TRAF7: variants seen among roughly 807,000 people sequenced by gnomAD.
TRAF7 encodes TNF receptor associated factor 7, also known as E3 ubiquitin-protein ligase TRAF7.
A neutral mutation model predicts 89.3 loss-of-function variants in TRAF7; 45 were observed. The ratio of observed to expected loss-of-function variants is 0.50; its 90% CI spans 0.40 to 0.65. TRAF7 has a LOEUF of 0.65. TRAF7 is among the 30% of genes least tolerant of loss of function. The probability of loss-of-function intolerance (pLI) is 0.00; values close to 1 mark genes in which losing one functional copy is unlikely to be tolerated. For synonymous variants in TRAF7, 406 were observed against 369.2 expected, an observed-to-expected ratio of 1.10 and a Z score of -1.14; for missense variants, 677 against 918.1, an observed-to-expected ratio of 0.74 and a Z score of 3.39.
Position 2,171,281 on chromosome 16 carries a change from G to A in TRAF7, c.366G>A (p.Ala122=), listed in dbSNP as rs150850739. The A allele has an allele frequency of 2.3e-5, 35 of 1,551,834 alleles. No homozygotes were observed. The highest frequency in any genetic ancestry group is 1.7e-4 in the Middle Eastern group (1 of 6,012). The stretch of plus-strand genomic sequence containing the variant: ...GGTTCCAGGAGCCACTGGTGTTTGC[G>A]GAGCAGCCCTCGGTGAAGCTGTGCT... ...EEEEPEPLVF[A]EQPSVKLCCQ... Residue 122 remains alanine (A), a synonymous_variant, in exon 6 of 21, where the codon GCG becomes GCA. Coordinates refer to ENST00000326181, the MANE Select transcript of TRAF7 (RefSeq NM_032271.3).
At chr16:2,171,491 G>A (rs1322073098) in intron 6 of TRAF7, 81 bp from the exon 7 acceptor site, 6 of 1,599,742 alleles carry the variant, frequency 3.8e-6, no homozygotes, top group South Asian at 1.1e-5. Flanking sequence ...GGGGTACAGC[G>A]AGGCCTGTGG....
At position 2,170,730 on chromosome 16, in the gene TRAF7, G is replaced by A. The variant is rs758588096; in HGVS notation, c.348G>A (p.Pro116=). 11 of 1,595,734 alleles carry A rather than the reference G, an allele frequency of 6.9e-6. No individual in the cohort carries two copies. Among genetic ancestry groups the A allele is most frequent in the East Asian group, 2.3e-5 (1 of 43,798 alleles). ...CACTGCCCGAGGAGGAGGAGGAGCC[G>A]GTAGGTGTGGGGGACTCGGCGCAGA... is the stretch of plus-strand genomic sequence containing the variant. The part of the protein sequence containing the change: ...TFSLPEEEEE[P]EPLVFAEQPS... Residue 116 remains proline (P), a splice_region_variant and synonymous_variant, in exon 5 of 21, where the codon CCG becomes CCA. Transcript: ENST00000326181.
chr16:2,165,494 G>A (rs1210527621), intron 2 of TRAF7, among the ~76,000 whole-genome samples: 3 of 119,076 alleles, frequency 2.5e-5, no homozygotes, highest in African/African-American at 1.1e-4. Context: ...GCTGTGTGGC[G>A]CAGCCTGGTC....
intron 2 of TRAF7, 139 bp from the exon 3 acceptor site, chr16:2,165,740 G>A (rs1009234493): frequency 7.1e-5 from 61 of 859,430 alleles, no homozygotes; most frequent in African/African-American, 3.2e-4. Context: ...GCTGCGTGGC[G>A]TGGCCTGGTC....
chr16:2,165,578 G>T (rs1449972655), intron 2 of TRAF7, among the ~76,000 whole-genome samples: 1 of 131,198 alleles, frequency 7.6e-6, no homozygotes, highest in Non-Finnish European at 1.6e-5. Context: ...TGCGTGGCCT[G>T]GCCTGGTCGC....
intron 1 of TRAF7, among the ~76,000 whole-genome samples, chr16:2,156,771 G>A (rs1243304287): frequency 6.6e-6 from 1 of 152,150 alleles, no homozygotes; most frequent in Non-Finnish European, 1.5e-5. Flanking sequence ...AATGACTTGG[G>A]GTTGAGGAAG....
At chr16:2,172,729 C>T (rs1206068431) in intron 9 of TRAF7, 130 bp downstream of exon 9, 4 of 1,192,524 alleles carry the variant, frequency 3.4e-6, no homozygotes, top group Non-Finnish European at 3.5e-6. Context: ...CTGTAATCCT[C>T]TCTGAGGCCC....
intron 3 of TRAF7, among the ~76,000 whole-genome samples, chr16:2,167,393 G>GTC (rs750266426): frequency 1.3e-5 from 2 of 152,232 alleles, no homozygotes; most frequent in Middle Eastern, 3.2e-3. Flanking sequence ...TCCGGGAGGT[G>GTC]TCTCTCTCTG....
chr16:2,168,307 C>A lies in TRAF7; in HGVS notation c.231+139C>A. 3.0e-6 allele frequency: 2 copies of A among 657,188 alleles called. No homozygotes were observed. Among genetic ancestry groups the A allele is most frequent in the Non-Finnish European group, 5.1e-6 (2 of 395,414 alleles). 40.7% of individuals were successfully genotyped at this position (657,188 alleles called of 1,614,324 possible). A position where few individuals can be genotyped will look rare whatever the true frequency, so the allele number is the denominator to read the frequency against. On this transcript the variant is annotated intron_variant, in intron 4 of 20. Coordinates refer to ENST00000326181, the MANE Select transcript of TRAF7 (RefSeq NM_032271.3). This position sits in a 1 kb window ranked among gnomAD's most constrained non-coding sequence, Gnocchi z 4.1. ...AAGAGCACCTGTGGATACCCTGAGG[C>A]CTCGGCAGACATGGCAAGTCTGTGA...
rs2093066106 is a variant in TRAF7 at position 2,163,617 on chromosome 16, G to A, written c.-38-266G>A. The A allele has an allele frequency of 4.6e-6, 2 of 434,522 alleles. No homozygotes were observed. The highest frequency in any genetic ancestry group is 9.5e-5 in the East Asian group (2 of 21,088). 26.9% of individuals were successfully genotyped at this position (434,522 alleles called of 1,614,324 possible). ...GGTCCCTCCACCTCGGGGAAGAGCT[G>A]GATGGGCTCTTCGGGAGCTCAGAAA... On this transcript the variant is annotated intron_variant, in intron 1 of 20. Transcript: ENST00000326181. The surrounding 1 kb of genome is among the most constrained non-coding windows in gnomAD (Gnocchi z 4.3).
chr16:2,171,101 C>T (rs564195918), intron 5 of TRAF7, among the ~76,000 whole-genome samples, 163 bp from the exon 6 acceptor site: 10 of 152,330 alleles, frequency 6.6e-5, no homozygotes, highest in East Asian at 5.8e-4. Flanking sequence ...GCTCTCCCTC[C>T]TGGGCCCCGA....
intron 4 of TRAF7, 77 bp from the exon 5 acceptor site, chr16:2,170,537 G>C: frequency 2.6e-6 from 3 of 1,145,292 alleles, no homozygotes; most frequent in South Asian, 2.6e-5. Flanking sequence ...TCGCGCTTCC[G>C]CCGGGCTGGG....
At chr16:2,175,733 T>C in intron 17 of TRAF7, 101 bp from the exon 18 acceptor site, 1 of 1,588,692 alleles carries the variant, frequency 6.3e-7, no homozygotes, top group East Asian at 2.2e-5. Flanking sequence ...ATCCCCTGGC[T>C]GGGTGGGTGG....
In TRAF7 at chr16:2,172,389, C is replaced by T. The variant is rs2093115766; in HGVS notation, c.659+15C>T. On this transcript the variant is annotated intron_variant, in intron 8 of 20. Transcript: ENST00000326181. ...AGCGCCCGGAAGTAAGTGCCCCTCC[C>T]TGGGCACCTCTGCCTCCCTGGGGGC... 6.2e-7 allele frequency: 1 copy of T among 1,611,254 alleles called. No individual in the cohort carries two copies. Among genetic ancestry groups the T allele is most frequent in the African/African-American group, 1.3e-5 (1 of 74,910 alleles).
At chr16:2,174,467 G>C (rs991475481) in intron 14 of TRAF7, 134 bp downstream of exon 14, 2 of 766,938 alleles carry the variant, frequency 2.6e-6, no homozygotes, top group Admixed American at 2.5e-5. Flanking sequence ...CCCTCCACCC[G>C]GAGCAGCACT....
chr16:2,168,013 GCCCCACCTC>G lies in TRAF7; in HGVS notation c.140-57_140-49del. 1.3e-6 allele frequency: 2 copies of G among 1,510,314 alleles called. No individual in the cohort carries two copies. The highest frequency in any genetic ancestry group is 1.8e-6 in the Non-Finnish European group (2 of 1,099,916). 93.6% of individuals were successfully genotyped at this position (1,510,314 alleles called of 1,614,324 possible). On this transcript the variant is annotated intron_variant, in intron 3 of 20. Coordinates refer to ENST00000326181, the MANE Select transcript of TRAF7 (RefSeq NM_032271.3). The surrounding 1 kb of genome is among the most constrained non-coding windows in gnomAD (Gnocchi z 4.1). ...CCACAGGGTCGGGTATCCAGCATGGGCCCCACCTCCCCCACATCTGCTGAGGGAGCCCCC... is the reference window on the plus strand; with the variant it reads ...CCACAGGGTCGGGTATCCAGCATGGGCCCCACATCTGCTGAGGGAGCCCCC...
chr16:2,165,004 G>GCA (rs2093077604), intron 2 of TRAF7, among the ~76,000 whole-genome samples: 1 of 107,998 alleles, frequency 9.3e-6, no homozygotes, highest in East Asian at 2.5e-4. Flanking sequence ...TGCGTGGCCT[G>GCA]GCCTGGTCGC....
Position 2,163,470 on chromosome 16 carries a change from C to T in TRAF7, c.-38-413C>T. 5.0e-6 allele frequency: 1 copy of T among 198,554 alleles called. No homozygotes were observed. Among genetic ancestry groups the T allele is most frequent in the Non-Finnish European group, 1.1e-5 (1 of 94,042 alleles). The allele number at this position is 198,554 out of a possible 1,614,324, so 12.3% of individuals were successfully genotyped here. A position where few individuals can be genotyped will look rare whatever the true frequency, so the allele number is the denominator to read the frequency against. ...TTGGCTGGTCCCTGTGTGACTGCGT[C>T]CCGCCACGTGGGCCACACCCTGGGC... On this transcript the variant is annotated intron_variant, in intron 1 of 20. Coordinates refer to ENST00000326181, the MANE Select transcript of TRAF7 (RefSeq NM_032271.3). The surrounding 1 kb of genome is among the most constrained non-coding windows in gnomAD (Gnocchi z 4.3).
In TRAF7 at chr16:2,168,152, A is replaced by T. The variant is rs750120589; in HGVS notation, c.215A>T (p.Asp72Val). The T allele has an allele frequency of 3.7e-6, 6 of 1,611,222 alleles. No homozygotes were observed. The South Asian group carries it at 6.6e-5, about 18-fold the overall frequency. The stretch of plus-strand genomic sequence containing the variant: ...AGCACCCTTGCCTACTCCCCGCGGG[A>T]CGAGGAGGACAGCATGGTAGGTCCC... ...SSSTLAYSPR[D>V]EEDSMPPIST... The change falls in exon 4 of 21, where the codon GAC (aspartate) becomes GTC (valine). Residue 72 changes from aspartate (D) to valine (V), a missense_variant. This residue lies in a region of TRAF7 where 240 missense variants were observed against 191.9 expected (regional missense o/e 1.25). Coordinates refer to ENST00000326181, the MANE Select transcript of TRAF7 (RefSeq NM_032271.3). This position sits in a 1 kb window ranked among gnomAD's most constrained non-coding sequence, Gnocchi z 4.1.
Sources: gnomAD v4.1 joint callset for allele counts (sites outside exome capture counted in the v4.1 genomes callset) on GRCh38, gnomAD v4.1.1 for gene constraint, gnomAD v4.1.1 regional missense constraint, Gnocchi (gnomAD v3.1) non-coding constraint, MANE v1.5 for transcripts, NCBI Gene and HGNC (gene_info 2026-07-23, HGNC 2026-07-21) for gene names.